Variants in PCDHGB4 observed in about 807,000 individuals in gnomAD.
PCDHGB4 encodes protocadherin gamma-B4.
PCDHGB4 carries 38 observed loss-of-function variants against 60.5 expected under a neutral mutation model. The observed-to-expected ratio is 0.63, with a 90% confidence interval of 0.48 to 0.82. The LOEUF is 0.82. Ranked by LOEUF, PCDHGB4 falls within the 40% of genes least tolerant of loss-of-function variation. PCDHGB4 has a pLI of 0.00. For synonymous variants in PCDHGB4, 456 were observed against 509.7 expected (o/e 0.89, Z 1.42); for missense variants, 1,109 against 1,209.6 (o/e 0.92, Z 1.23).
chr5:141,477,220 G>A lies in PCDHGB4; in HGVS notation c.2398-17587G>A. 24 of 1,614,190 alleles carry A rather than the reference G, an allele frequency of 1.5e-5. No individual in the cohort carries two copies. The highest frequency in any genetic ancestry group is 1.9e-5 in the Non-Finnish European group (23 of 1,180,040). ...CAGTACCCGAGGATGCCCCTCTGGG[G>A]ACTGTCATCGCTTTGCTCAGTGTGA... is the stretch of plus-strand genomic sequence containing the variant. On this transcript the variant is annotated intron_variant, in intron 1 of 3. Coordinates refer to ENST00000519479, the MANE Select transcript of PCDHGB4 (RefSeq NM_003736.4). The surrounding 1 kb of genome is among the most constrained non-coding windows in gnomAD (Gnocchi z 4.9).
chr5:141,493,250 C>T lies in PCDHGB4; in HGVS notation c.2398-1557C>T, dbSNP rs1330348553. On this transcript the variant is annotated intron_variant, in intron 1 of 3. Coordinates refer to ENST00000519479, the MANE Select transcript of PCDHGB4 (RefSeq NM_003736.4). The surrounding 1 kb of genome is among the most constrained non-coding windows in gnomAD (Gnocchi z 4.3). ...TGCTGTTGGCTAGGTACTAACATGC[C>T]TCTCTTATAACAGCTTCACAGAGGT... Among the ~76,000 whole-genome samples the T allele has an allele frequency of 1.3e-5, 2 of 152,154 alleles. No homozygotes were observed. Among genetic ancestry groups the T allele is most frequent in the Non-Finnish European group, 2.9e-5 (2 of 68,024 alleles).
At position 141,490,276 on chromosome 5, in the gene PCDHGB4, A is replaced by T; in HGVS notation, c.2398-4531A>T. 1 of 1,614,236 alleles carries T rather than the reference A, an allele frequency of 6.2e-7. No individual in the cohort carries two copies. Among genetic ancestry groups the T allele is most frequent in the Non-Finnish European group, 8.5e-7 (1 of 1,180,036 alleles). On this transcript the variant is annotated intron_variant, in intron 1 of 3. Transcript: ENST00000519479. This position sits in a 1 kb window ranked among gnomAD's most constrained non-coding sequence, Gnocchi z 5.4. ...AGTGGATGTGGGGGATGTCAATGACAATGCCCCAGAGGTGCTATTGGCCTC... is the reference window on the plus strand; with the variant it reads ...AGTGGATGTGGGGGATGTCAATGACTATGCCCCAGAGGTGCTATTGGCCTC...
chr5:141,459,105 T>C (rs904382532), intron 1 of PCDHGB4, among the ~76,000 whole-genome samples: 7 of 152,208 alleles, frequency 4.6e-5, no homozygotes, highest in Non-Finnish European at 7.4e-5. Flanking sequence ...GCAATGCATT[T>C]TGACAATTGT....
At chr5:141,457,475 G>T (rs1203288452) in intron 1 of PCDHGB4, among the ~76,000 whole-genome samples, 1 of 152,142 alleles carries the variant, frequency 6.6e-6, no homozygotes, top group East Asian at 1.9e-4. Flanking sequence ...AATAAGCAGG[G>T]CCAGGGTTAG....
chr5:141,405,401 TC>T (rs1176566209), intron 1 of PCDHGB4: 1 of 1,591,534 alleles, frequency 6.3e-7, no homozygotes, highest in Non-Finnish European at 8.6e-7. Flanking sequence ...TTTCTTTCTT[TC>T]TTTTCTTTTT....
intron 1 of PCDHGB4, chr5:141,441,731 C>G: frequency 2.8e-6 from 1 of 362,226 alleles, no homozygotes; most frequent in South Asian, 2.2e-5. Context: ...GCGACCAGGA[C>G]TAGCTCGCGC....
In PCDHGB4 at chr5:141,412,148, C is replaced by T. The variant is rs183538712; in HGVS notation, c.2397+21867C>T. ...GGACTTTGGCCTCTGATACAAACTG[C>T]CTAAGAGAAGAGATTATTTATACTG... On this transcript the variant is annotated intron_variant, in intron 1 of 3. Coordinates refer to ENST00000519479, the MANE Select transcript of PCDHGB4 (RefSeq NM_003736.4). The T allele has an allele frequency of 3.1e-4, 47 of 152,220 alleles. 2 individuals carry two copies. The highest frequency in any genetic ancestry group is 1.1e-3 in the African/African-American group (45 of 41,552). The allele number at this position is 152,220 out of a possible 1,614,324, so 9.4% of individuals were successfully genotyped here.
At chr5:141,468,154 G>A (rs1374898668) in intron 1 of PCDHGB4, among the ~76,000 whole-genome samples, 2 of 151,838 alleles carry the variant, frequency 1.3e-5, no homozygotes, top group African/African-American at 2.4e-5. Flanking sequence ...GTGAAACCCT[G>A]TCTCTGCTAA....
Position 141,437,485 on chromosome 5 carries a change from C to T in PCDHGB4, c.2397+47204C>T, listed in dbSNP as rs372023505. The stretch of plus-strand genomic sequence containing the variant: ...TATACTTTTATAGCATATTTAATCT[C>T]GTAGATCACTTTTCAATGAATTATA... On this transcript the variant is annotated intron_variant, in intron 1 of 3. Transcript: ENST00000519479. Among the ~76,000 whole-genome samples, 16 of 152,188 alleles carry T rather than the reference C, an allele frequency of 1.1e-4. No individual in the cohort carries two copies. In the East Asian group the frequency reaches 2.9e-3, roughly 28 times the overall value.
chr5:141,393,414 G>C lies in PCDHGB4; in HGVS notation c.2397+3133G>C, dbSNP rs199973289. 738 of 1,614,038 alleles carry C rather than the reference G, an allele frequency of 4.6e-4. No individual in the cohort carries two copies. The highest frequency in any genetic ancestry group is 5.2e-4 in the Non-Finnish European group (617 of 1,179,898). Reference sequence around the variant, plus strand: ...AGAGCTGGTGCTGGAGCGCGCCCTGGACAGGGAGGAAGAGGCTGCTCACCA... The same window carrying C: ...AGAGCTGGTGCTGGAGCGCGCCCTGCACAGGGAGGAAGAGGCTGCTCACCA... On this transcript the variant is annotated intron_variant, in intron 1 of 3. Coordinates refer to ENST00000519479, the MANE Select transcript of PCDHGB4 (RefSeq NM_003736.4).
At chr5:141,478,711 T>G (rs1420376406) in intron 1 of PCDHGB4, 1 of 1,547,346 alleles carries the variant, frequency 6.5e-7, no homozygotes. Context: ...CTTTGTGAGA[T>G]GGTGGCCTGC....
chr5:141,427,638 C>A, intron 1 of PCDHGB4: 1 of 708,528 alleles, frequency 1.4e-6, no homozygotes, highest in East Asian at 2.7e-5. Context: ...GGTTTTCCAC[C>A]AAGTCTCCTA....
At chr5:141,413,221 G>C (rs1384304697) in intron 1 of PCDHGB4, 1 of 1,613,570 alleles carries the variant, frequency 6.2e-7, no homozygotes, top group South Asian at 1.1e-5. Context: ...GGATTGCAGC[G>C]GGCTGGTCCT....
At chr5:141,428,290 C>G in intron 1 of PCDHGB4, 2 of 726,802 alleles carry the variant, frequency 2.8e-6, no homozygotes, top group Non-Finnish European at 4.8e-6. Context: ...CCAAGCAAAG[C>G]TGCAGATTTA....
intron 1 of PCDHGB4, among the ~76,000 whole-genome samples, chr5:141,433,847 A>C (rs979302028): frequency 6.6e-6 from 1 of 151,976 alleles, no homozygotes; most frequent in South Asian, 2.1e-4. Context: ...CAAAAAAAAA[A>C]AAAAAAAACT....
At position 141,438,591 on chromosome 5, in the gene PCDHGB4, CATATATATATATAT is replaced by C. The variant is rs946798767; in HGVS notation, c.2397+48342_2397+48355del. Among the ~76,000 whole-genome samples the C allele has an allele frequency of 7.9e-5, 6 of 75,562 alleles. No individual in the cohort carries two copies. The East Asian group carries it at 1.7e-3, about 22-fold the overall frequency. 49.6% of individuals were successfully genotyped at this position (75,562 alleles called of 152,430 possible). On this transcript the variant is annotated intron_variant, in intron 1 of 3. Transcript: ENST00000519479. ...TCTGATATACATACATACATACATA[CATATATATATATAT>C]ATATATATATATATATATATATATA...
rs775654786 is a variant in PCDHGB4 at position 141,491,718 on chromosome 5, G to A, written c.2398-3089G>A. Reference sequence around the variant, plus strand: ...GGAGCCAGGTGAGGGGCTCGGCGCCGCCCCGGGCGACCCCTGGGGGCGGCA... The same window carrying A: ...GGAGCCAGGTGAGGGGCTCGGCGCCACCCCGGGCGACCCCTGGGGGCGGCA... On this transcript the variant is annotated intron_variant, in intron 1 of 3. Coordinates refer to ENST00000519479, the MANE Select transcript of PCDHGB4 (RefSeq NM_003736.4). This position sits in a 1 kb window ranked among gnomAD's most constrained non-coding sequence, Gnocchi z 6.9. 1 of 1,607,600 alleles carries A rather than the reference G, an allele frequency of 6.2e-7. No homozygotes were observed. The highest frequency in any genetic ancestry group is 2.2e-5 in the East Asian group (1 of 44,690).
chr5:141,480,145 C>A (rs1331658762), intron 1 of PCDHGB4, among the ~76,000 whole-genome samples: 1 of 151,968 alleles, frequency 6.6e-6, no homozygotes, highest in Non-Finnish European at 1.5e-5. Context: ...CAATTATTAG[C>A]CAGCTCCTAG....
At chr5:141,488,599 C>T (rs1017044328) in intron 1 of PCDHGB4, among the ~76,000 whole-genome samples, 1 of 152,152 alleles carries the variant, frequency 6.6e-6, no homozygotes, top group Non-Finnish European at 1.5e-5. Flanking sequence ...CAAGACTTTA[C>T]AAGGTTCTTA....
Sources: gnomAD v4.1 joint callset for allele counts (sites outside exome capture counted in the v4.1 genomes callset) on GRCh38, gnomAD v4.1.1 for gene constraint, Gnocchi (gnomAD v3.1) non-coding constraint, MANE v1.5 for transcripts, NCBI Gene and HGNC (gene_info 2026-07-23, HGNC 2026-07-21) for gene names.